CPEB1: variants seen among roughly 807,000 people sequenced by gnomAD.
CPEB1 encodes the protein cytoplasmic polyadenylation element binding protein 1.
A neutral mutation model predicts 65.8 loss-of-function variants in CPEB1; 7 were observed. The observed-to-expected ratio is 0.11, with a 90% CI of 0.06 to 0.20. The LOEUF is 0.20. Among genes scored for constraint, CPEB1 ranks in the 10% least tolerant of loss-of-function variants. The pLI is 1.00. For synonymous variants in CPEB1, 262 were observed against 260.0 expected, an observed-to-expected ratio of 1.01 and a Z score of -0.08; for missense variants, 551 against 712.2, an observed-to-expected ratio of 0.77 and a Z score of 2.58.
intron 3 of CPEB1, among the ~76,000 whole-genome samples, chr15:82,623,459 C>T (rs2045491596): frequency 6.6e-6 from 1 of 152,216 alleles, no homozygotes; most frequent in Non-Finnish European, 1.5e-5. Context: ...AGGTGGATCA[C>T]TTGAGGTCAG....
intron 3 of CPEB1, among the ~76,000 whole-genome samples, chr15:82,614,421 A>G (rs1259845453): frequency 6.6e-6 from 1 of 152,220 alleles, no homozygotes; most frequent in East Asian, 1.9e-4. Flanking sequence ...ACAATTTGGA[A>G]AAGTCCATCA....
Position 82,544,627 on chromosome 15 carries a change from G to A in CPEB1, c.1732C>T (p.Leu578=). 4 of 1,613,142 alleles carry A rather than the reference G, an allele frequency of 2.5e-6. No individual in the cohort carries two copies. The highest frequency in any genetic ancestry group is 3.4e-6 in the Non-Finnish European group (4 of 1,179,738). Residue 578 remains leucine (L), a synonymous_variant, in exon 13 of 13, where the codon CTG becomes TTG. Coordinates refer to ENST00000684509, the MANE Select transcript of CPEB1 (RefSeq NM_001365242.1). ...SMEGLRHHSP[L]MRNQKNRDSS Reference sequence around the variant, plus strand: ...TCTCGGTTCTTCTGGTTCCGCATCAGGGGGCTGTGGTGGCGCAGGCCCTCC... The same window carrying A: ...TCTCGGTTCTTCTGGTTCCGCATCAAGGGGCTGTGGTGGCGCAGGCCCTCC...
At chr15:82,626,953 G>A (rs1467652711) in intron 3 of CPEB1, among the ~76,000 whole-genome samples, 1 of 152,072 alleles carries the variant, frequency 6.6e-6, no homozygotes, top group Non-Finnish European at 1.5e-5. Context: ...TGTAATCTGT[G>A]ACCTTTTCTT....
chr15:82,637,960 T>A (rs773395955), intron 1 of CPEB1: 2 of 453,036 alleles, frequency 4.4e-6, no homozygotes, highest in African/African-American at 2.0e-5. Context: ...CACAATGATT[T>A]TCCAAGACAA....
At chr15:82,560,886 G>C (rs1351643442) in intron 4 of CPEB1, among the ~76,000 whole-genome samples, 5 of 152,258 alleles carry the variant, frequency 3.3e-5, no homozygotes. Context: ...GGACACTGAA[G>C]CCATACAGAG....
chr15:82,600,883 A>T (rs1324689127), intron 3 of CPEB1, among the ~76,000 whole-genome samples: 1 of 149,468 alleles, frequency 6.7e-6, no homozygotes, highest in African/African-American at 2.5e-5. Flanking sequence ...TTTTTTAAAG[A>T]ACCCAGAACT....
At chr15:82,571,975 C>G in intron 3 of CPEB1, 1 of 487,304 alleles carries the variant, frequency 2.1e-6, no homozygotes, top group Non-Finnish European at 2.7e-6. Context: ...GGTTGCAAGG[C>G]AGCGCCCTCC....
chr15:82,568,414 A>T (rs966957803), intron 4 of CPEB1, among the ~76,000 whole-genome samples: 1 of 152,148 alleles, frequency 6.6e-6, no homozygotes, highest in South Asian at 2.1e-4. Flanking sequence ...AAACGCACTT[A>T]TAACACTCAT....
intron 9 of CPEB1, 81 bp from the exon 10 acceptor site, chr15:82,549,739 G>A: frequency 4.4e-6 from 6 of 1,349,460 alleles, no homozygotes; most frequent in Non-Finnish European, 6.3e-6. Flanking sequence ...TACGTGCTCT[G>A]GAGATACTGA....
intron 3 of CPEB1, 84 bp from the exon 4 acceptor site, chr15:82,571,616 T>C: frequency 6.6e-7 from 1 of 1,507,606 alleles, no homozygotes; most frequent in Non-Finnish European, 8.9e-7. Context: ...TTATTAATAA[T>C]AGTTTCCCCA....
chr15:82,613,322 G>A lies in CPEB1; in HGVS notation c.271+13871C>T, dbSNP rs548295772. ...AAGGAGAAAGGTTAAATGAATAGATGCAGAAAAGCTGATATAATTTAATAA... is the reference window on the plus strand; with the variant it reads ...AAGGAGAAAGGTTAAATGAATAGATACAGAAAAGCTGATATAATTTAATAA... On this transcript the variant is annotated intron_variant, in intron 3 of 12. Transcript: ENST00000684509. Among the ~76,000 whole-genome samples, 5 of 152,296 alleles carry A rather than the reference G, an allele frequency of 3.3e-5. No homozygotes were observed. The South Asian group carries it at 8.3e-4, about 25-fold the overall frequency.
At chr15:82,557,560 A>G in intron 5 of CPEB1, 200 bp downstream of exon 5, 1 of 552,772 alleles carries the variant, frequency 1.8e-6, no homozygotes, top group African/African-American at 1.9e-5. Context: ...GTATTGCTCA[A>G]TGGGTCTTCA....
intron 3 of CPEB1, among the ~76,000 whole-genome samples, chr15:82,592,236 A>G (rs1020636147): frequency 2.0e-5 from 3 of 152,170 alleles, no homozygotes; most frequent in African/African-American, 7.2e-5. Context: ...GTTGCAGACC[A>G]CCTCAAAGTG....
chr15:82,558,228 AACTGCTGGGTTATACT>A (rs1309504254), intron 4 of CPEB1, among the ~76,000 whole-genome samples: 2 of 152,204 alleles, frequency 1.3e-5, no homozygotes, highest in Non-Finnish European at 2.9e-5. Flanking sequence ...ATAGCAGCAA[AACTGCTGGGTTATACT>A]ACCCAGGCTT....
intron 3 of CPEB1, among the ~76,000 whole-genome samples, chr15:82,573,465 T>C (rs2040312083): frequency 2.0e-5 from 3 of 152,088 alleles, no homozygotes; most frequent in South Asian, 4.2e-4. Flanking sequence ...ACTTCACCCA[T>C]ACATATTAGT....
At chr15:82,552,223 C>T (rs894025987) in intron 9 of CPEB1, among the ~76,000 whole-genome samples, 5 of 151,182 alleles carry the variant, frequency 3.3e-5, no homozygotes, top group Non-Finnish European at 7.4e-5. Context: ...AGAATAAAGA[C>T]GGGCAGACAG....
chr15:82,639,045 T>C (rs1259856443), intron 1 of CPEB1, among the ~76,000 whole-genome samples: 1 of 152,186 alleles, frequency 6.6e-6, no homozygotes, highest in Non-Finnish European at 1.5e-5. Context: ...TAAAAATACT[T>C]CTGACTTTAT....
intron 1 of CPEB1, among the ~76,000 whole-genome samples, chr15:82,644,090 G>A (rs587647144): frequency 1.3e-5 from 2 of 152,258 alleles, no homozygotes; most frequent in East Asian, 1.9e-4. Flanking sequence ...CCAGACCTCC[G>A]GCTCTCAGGA....
chr15:82,647,969 G>A (rs1373603023), upstream of CPEB1: 4 of 961,106 alleles, frequency 4.2e-6, no homozygotes, highest in Non-Finnish European at 4.0e-6. Context: ...CGGGCCGCGC[G>A]CAGCCCCGCA....
Sources: gnomAD v4.1 joint callset for allele counts (sites outside exome capture counted in the v4.1 genomes callset) on GRCh38, gnomAD v4.1.1 for gene constraint, MANE v1.5 for transcripts, NCBI Gene and HGNC (gene_info 2026-07-23, HGNC 2026-07-21) for gene names.